The following ROBO1 variants were observed in gnomAD, a reference collection of about 807,000 sequenced individuals.
The protein encoded by ROBO1 is roundabout homolog 1.
ROBO1 carries 149 observed loss-of-function variants against 195.9 expected under a neutral mutation model. The ratio of observed to expected loss-of-function variants is 0.76; its 90% CI spans 0.67 to 0.87. The LOEUF (loss-of-function observed/expected upper bound fraction) is 0.87, where lower values mean the gene tolerates loss of function less well. Among genes scored for constraint, ROBO1 ranks in the 40% least tolerant of loss-of-function variants. The pLI is 0.00. For synonymous variants in ROBO1, 816 were observed against 733.2 expected, an observed-to-expected ratio of 1.11 and a Z score of -1.82; for missense variants, 1,933 against 2,068.3, an observed-to-expected ratio of 0.93 and a Z score of 1.27.
intron 2 of ROBO1, among the ~76,000 whole-genome samples, chr3:79,453,965 T>G (rs779494341): frequency 1.3e-5 from 2 of 152,086 alleles, no homozygotes; most frequent in Non-Finnish European, 2.9e-5. Context: ...TCTGTTGTGA[T>G]AGGAACTCCT....
intron 4 of ROBO1, among the ~76,000 whole-genome samples, chr3:78,928,357 C>T (rs17313129): frequency 0.11 from 16,111 of 151,958 alleles, 1,210 homozygotes; most frequent in Non-Finnish European, 0.15. Flanking sequence ...CTGAGGGAGG[C>T]TTTAAGAATT....
chr3:79,480,620 G>C (rs1938790248), intron 2 of ROBO1, among the ~76,000 whole-genome samples: 1 of 151,844 alleles, frequency 6.6e-6, no homozygotes, highest in South Asian at 2.1e-4. Context: ...TTGTGTGTAT[G>C]TGTGTGTGTG....
chr3:79,665,491 T>C (rs1356528064), intron 1 of ROBO1, among the ~76,000 whole-genome samples: 3 of 151,916 alleles, frequency 2.0e-5, no homozygotes, highest in South Asian at 4.1e-4. Flanking sequence ...AATATTCCTT[T>C]ATAGGTGTCT....
At chr3:79,268,661 C>T (rs2030224018) in intron 2 of ROBO1, among the ~76,000 whole-genome samples, 1 of 151,606 alleles carries the variant, frequency 6.6e-6, no homozygotes, top group Non-Finnish European at 1.5e-5. Context: ...AAAATGACTT[C>T]CATATCCGTT....
chr3:79,669,227 C>T (rs1946561043), intron 1 of ROBO1, among the ~76,000 whole-genome samples: 1 of 151,758 alleles, frequency 6.6e-6, no homozygotes, highest in Non-Finnish European at 1.5e-5. Context: ...TTTCCCTGTA[C>T]CAGCTCTCTT....
At chr3:78,932,876 T>G (rs2039607582) in intron 4 of ROBO1, among the ~76,000 whole-genome samples, 1 of 152,132 alleles carries the variant, frequency 6.6e-6, no homozygotes, top group Non-Finnish European at 1.5e-5. Flanking sequence ...GAATGTAAAA[T>G]ATAATTTTAG....
At chr3:79,575,352 T>G (rs1576052893) in intron 2 of ROBO1, among the ~76,000 whole-genome samples, 1 of 126,398 alleles carries the variant, frequency 7.9e-6, no homozygotes, top group East Asian at 2.1e-4. Context: ...CCAATATATA[T>G]AAATATGTAT....
intron 2 of ROBO1, among the ~76,000 whole-genome samples, chr3:79,559,007 A>G (rs1942811770): frequency 6.6e-6 from 1 of 152,172 alleles, no homozygotes; most frequent in African/African-American, 2.4e-5. Flanking sequence ...TAACAAACCT[A>G]ACGTAGTATG....
intron 2 of ROBO1, among the ~76,000 whole-genome samples, chr3:79,194,932 T>G (rs2081606749): frequency 6.6e-6 from 1 of 151,658 alleles, no homozygotes; most frequent in African/African-American, 2.4e-5. Flanking sequence ...AGGTTTGATA[T>G]TTCTACTTAT....
intron 2 of ROBO1, among the ~76,000 whole-genome samples, chr3:79,568,516 C>A (rs67523312): frequency 1.4e-5 from 2 of 138,680 alleles, no homozygotes; most frequent in East Asian, 2.2e-4. Context: ...GAATTTTTTT[C>A]TTTTTCTCAT....
intron 2 of ROBO1, among the ~76,000 whole-genome samples, chr3:79,489,362 T>C (rs1449042249): frequency 1.3e-5 from 2 of 151,874 alleles, no homozygotes; most frequent in African/African-American, 2.4e-5. Context: ...GTTAAGAAAA[T>C]AGGTAATTAT....
chr3:79,721,543 C>T (rs1702704779), intron 1 of ROBO1, among the ~76,000 whole-genome samples: 1 of 152,130 alleles, frequency 6.6e-6, no homozygotes, highest in Admixed American at 6.5e-5. Context: ...GTATGGTTAG[C>T]ATATGTCTAT....
At chr3:79,740,609 A>T (rs1359840702) in intron 1 of ROBO1, among the ~76,000 whole-genome samples, 1 of 152,102 alleles carries the variant, frequency 6.6e-6, no homozygotes, top group Non-Finnish European at 1.5e-5. Context: ...CACTTATAAG[A>T]CCATCAGATC....
chr3:79,598,185 TAA>T (rs763632970), intron 1 of ROBO1, among the ~76,000 whole-genome samples: 8 of 152,220 alleles, frequency 5.3e-5, no homozygotes, highest in Admixed American at 3.3e-4. Context: ...TGAGGTCAGA[TAA>T]AGAGTCAAAG....
chr3:79,287,262 C>T (rs2109017907), intron 2 of ROBO1, among the ~76,000 whole-genome samples: 1 of 152,204 alleles, frequency 6.6e-6, no homozygotes, highest in Admixed American at 6.5e-5. Flanking sequence ...TATCCTCTGT[C>T]TTGTGTCTAG....
chr3:78,973,416 T>C (rs1178702256), intron 3 of ROBO1, among the ~76,000 whole-genome samples: 1 of 147,040 alleles, frequency 6.8e-6, no homozygotes, highest in Admixed American at 6.9e-5. Flanking sequence ...TATATATATA[T>C]ATATGAAGCT....
intron 1 of ROBO1, among the ~76,000 whole-genome samples, chr3:79,633,072 A>T (rs1056525926): frequency 2.0e-5 from 3 of 152,148 alleles, no homozygotes; most frequent in Non-Finnish European, 4.4e-5. Flanking sequence ...CATGTTATAC[A>T]ATTACACACA....
chr3:79,252,581 C>T (rs1303278656), intron 2 of ROBO1, among the ~76,000 whole-genome samples: 1 of 152,016 alleles, frequency 6.6e-6, no homozygotes, highest in Admixed American at 6.6e-5. Context: ...TTAAAGCCAC[C>T]CAGTTTGTGG....
chr3:79,331,875 G>T (rs1327711942), intron 2 of ROBO1, among the ~76,000 whole-genome samples: 7 of 152,178 alleles, frequency 4.6e-5, no homozygotes, highest in African/African-American at 1.7e-4. Context: ...GGGCGCGGTG[G>T]CTCATGCCTG....
Sources: allele counts gnomAD v4.1 joint callset (sites outside exome capture counted in the v4.1 genomes callset), GRCh38; gene constraint gnomAD v4.1.1; transcripts MANE v1.5; gene names NCBI Gene and HGNC (gene_info 2026-07-23, HGNC 2026-07-21).